Variants in SLC35F1 observed in about 807,000 individuals in gnomAD.
SLC35F1 encodes the protein chromosome 6 open reading frame 169.
Under a neutral mutation model 48.7 loss-of-function variants are expected in SLC35F1, and 14 were observed. That is an observed-to-expected ratio of 0.29 (90% CI 0.19 to 0.45). The LOEUF (loss-of-function observed/expected upper bound fraction) is 0.45. Among genes scored for constraint, SLC35F1 ranks in the 20% least tolerant of loss-of-function variants. SLC35F1 has a pLI of 1.00. For missense variants in SLC35F1, 404 were observed against 500.0 expected, an observed-to-expected ratio of 0.81 and a Z score of 1.83; for synonymous variants, 190 against 202.2, an observed-to-expected ratio of 0.94 and a Z score of 0.51.
intron 4 of SLC35F1, among the ~76,000 whole-genome samples, chr6:118,274,745 T>C (rs1775898814): frequency 6.6e-6 from 1 of 152,258 alleles, no homozygotes; most frequent in Non-Finnish European, 1.5e-5. Flanking sequence ...AAAATATTAA[T>C]GTGATAGTGA....
chr6:117,917,045 G>A (rs1001804640), intron 1 of SLC35F1, among the ~76,000 whole-genome samples: 5 of 152,212 alleles, frequency 3.3e-5, no homozygotes, highest in African/African-American at 4.8e-5. Flanking sequence ...GAGAATCAAA[G>A]TGGGGTGATG....
chr6:118,076,639 C>T (rs1772822985), intron 1 of SLC35F1, among the ~76,000 whole-genome samples: 1 of 152,184 alleles, frequency 6.6e-6, no homozygotes, highest in Admixed American at 6.5e-5. Flanking sequence ...AGTCACCTCC[C>T]ACCAGGCGTC....
At chr6:118,043,423 CT>C (rs372396768) in intron 1 of SLC35F1, among the ~76,000 whole-genome samples, 8,286 of 143,620 alleles carry the variant, frequency 0.058, 277 homozygotes, top group African/African-American at 0.089. Flanking sequence ...CTTAAATGGA[CT>C]TTTTTTTTTT....
Position 118,285,215 on chromosome 6 carries a change from G to T in SLC35F1, c.879G>T (p.Met293Ile). ...TCTACGTTGGCTTTAGTGCCTGCAT[G>T]TTTGGTCTCTACAGCTTTATGCCAG... Reference protein sequence around the residue: ...GLLYVGFSACMFGLYSFMPVV... With the variant: ...GLLYVGFSACIFGLYSFMPVV... The change falls in exon 7 of 8, where the codon ATG (methionine) becomes ATT (isoleucine). Residue 293 changes from methionine to isoleucine, a missense_variant. By Grantham distance (10) the Met-to-Ile change is conservative. Around this residue, in one of 2 missense-constraint regions of SLC35F1, gnomAD observed 306 missense variants for 419.1 expected, o/e 0.73. Coordinates refer to ENST00000360388, the MANE Select transcript of SLC35F1 (RefSeq NM_001029858.4). 1 of 1,613,946 alleles carries T rather than the reference G, an allele frequency of 6.2e-7. No homozygotes were observed.
intron 1 of SLC35F1, among the ~76,000 whole-genome samples, chr6:118,110,545 A>C (rs756294777): frequency 6.6e-6 from 1 of 152,162 alleles, no homozygotes; most frequent in African/African-American, 2.4e-5. Flanking sequence ...AATGTATCAG[A>C]CAAAAGAAAG....
intron 1 of SLC35F1, among the ~76,000 whole-genome samples, chr6:118,076,645 G>A (rs970979493): frequency 6.6e-6 from 1 of 152,160 alleles, no homozygotes; most frequent in Admixed American, 6.5e-5. Flanking sequence ...CTCCCACCAG[G>A]CGTCTCTTTG....
chr6:118,128,555 G>A (rs762172111), intron 1 of SLC35F1, among the ~76,000 whole-genome samples: 122 of 151,984 alleles, frequency 8.0e-4, no homozygotes, highest in Middle Eastern at 3.4e-3. Flanking sequence ...GTAAACTATC[G>A]CAAGGACAAA....
intron 1 of SLC35F1, among the ~76,000 whole-genome samples, chr6:117,993,582 T>C (rs1776947566): frequency 6.6e-6 from 1 of 152,178 alleles, no homozygotes; most frequent in Non-Finnish European, 1.5e-5. Context: ...GAGTGTGGAC[T>C]AATCCTTTGA....
intron 1 of SLC35F1, among the ~76,000 whole-genome samples, chr6:118,151,958 A>G (rs954048118): frequency 6.6e-5 from 10 of 151,552 alleles, no homozygotes; most frequent in Non-Finnish European, 1.5e-5. Flanking sequence ...GAATCCCTCT[A>G]TTTTCTACTT....
At chr6:118,031,143 G>C (rs557997470) in intron 1 of SLC35F1, among the ~76,000 whole-genome samples, 5 of 152,144 alleles carry the variant, frequency 3.3e-5, no homozygotes, top group African/African-American at 9.6e-5. Context: ...AATGAGAAGT[G>C]AAAAATCAGT....
At chr6:118,060,104 A>G (rs1772517150) in intron 1 of SLC35F1, among the ~76,000 whole-genome samples, 1 of 152,226 alleles carries the variant, frequency 6.6e-6, no homozygotes, top group African/African-American at 2.4e-5. Flanking sequence ...CATGGACTTT[A>G]GCACCAGACT....
intron 2 of SLC35F1, among the ~76,000 whole-genome samples, chr6:118,195,458 T>G (rs968134967): frequency 3.0e-4 from 45 of 152,286 alleles, no homozygotes; most frequent in African/African-American, 1.1e-3. Context: ...CATTTTTACC[T>G]AAAGTATTGG....
intron 2 of SLC35F1, among the ~76,000 whole-genome samples, chr6:118,181,465 T>A (rs531452526): frequency 6.6e-6 from 1 of 152,124 alleles, no homozygotes; most frequent in Non-Finnish European, 1.5e-5. Context: ...ATTTAAAACC[T>A]ATTAGAGGGA....
intron 1 of SLC35F1, among the ~76,000 whole-genome samples, chr6:117,909,783 A>T (rs969168909): frequency 4.6e-5 from 7 of 152,160 alleles, no homozygotes; most frequent in African/African-American, 1.7e-4. Context: ...AGTTGAAGTC[A>T]TGCTACGTTA....
intron 1 of SLC35F1, among the ~76,000 whole-genome samples, chr6:118,037,942 T>C (rs529261886): frequency 2.0e-4 from 31 of 152,188 alleles, no homozygotes; most frequent in African/African-American, 7.0e-4. Context: ...ACCTAGAAGA[T>C]GGGTTGATGG....
intron 1 of SLC35F1, among the ~76,000 whole-genome samples, chr6:117,929,648 C>T (rs1776075502): frequency 6.6e-6 from 1 of 152,034 alleles, no homozygotes; most frequent in South Asian, 2.1e-4. Flanking sequence ...TTCTTCTTCT[C>T]TGGAAAACTT....
intron 2 of SLC35F1, among the ~76,000 whole-genome samples, chr6:118,225,459 C>T (rs1022836390): frequency 6.6e-6 from 1 of 152,108 alleles, no homozygotes; most frequent in Non-Finnish European, 1.5e-5. Flanking sequence ...GGAATCTAGA[C>T]CCCTAGCTCT....
At chr6:118,227,732 A>G (rs976699367) in intron 2 of SLC35F1, among the ~76,000 whole-genome samples, 2 of 152,216 alleles carry the variant, frequency 1.3e-5, no homozygotes, top group African/African-American at 4.8e-5. Flanking sequence ...ACAAAACAAA[A>G]CAAAAAAGAA....
chr6:118,231,173 G>A (rs1775288723), intron 2 of SLC35F1, among the ~76,000 whole-genome samples: 2 of 152,056 alleles, frequency 1.3e-5, no homozygotes, highest in Admixed American at 1.3e-4. Flanking sequence ...CAGGGAGGAG[G>A]ACAGATTATT....
Sources: gnomAD v4.1 joint callset for allele counts (sites outside exome capture counted in the v4.1 genomes callset) on GRCh38, gnomAD v4.1.1 for gene constraint, gnomAD v4.1.1 regional missense constraint, MANE v1.5 for transcripts, NCBI Gene and HGNC (gene_info 2026-07-23, HGNC 2026-07-21) for gene names.